Variants in IQCJ observed in about 807,000 individuals in gnomAD.
The protein encoded by IQCJ is IQ domain-containing protein J.
Under a neutral mutation model 11.0 loss-of-function variants are expected in IQCJ, and 9 were observed. That is an observed-to-expected ratio of 0.82 (90% CI 0.49 to 1.43). IQCJ has a LOEUF of 1.43. Ranked by LOEUF, IQCJ falls within the 40% of genes most tolerant of loss-of-function variation. IQCJ has a pLI of 0.00. For missense variants in IQCJ, 146 were observed against 133.2 expected (o/e 1.10, Z -0.47); for synonymous variants, 55 against 51.3 (o/e 1.07, Z -0.31).
rs73874802 is a variant in IQCJ, at chr3:159,103,239, T to C, written c.9+33798T>C. 8.3e-3 allele frequency among the ~76,000 whole-genome samples: 1,270 copies of C among 152,378 alleles called. 18 individuals carry two copies. Among genetic ancestry groups the C allele is most frequent in the African/African-American group, 0.029 (1,215 of 41,588 alleles). On this transcript the variant is annotated intron_variant, in intron 1 of 3. Coordinates refer to ENST00000397832, the MANE Select transcript of IQCJ (RefSeq NM_001042706.3). ...TAAATGTCCTCTCAGTTGTAAAACG[T>C]ATACACAATATTTGTATATTTGCAG...
chr3:159,112,057 C>T (rs868783240), intron 1 of IQCJ, among the ~76,000 whole-genome samples: 7 of 152,090 alleles, frequency 4.6e-5, no homozygotes, highest in South Asian at 2.1e-4. Context: ...AAAGTTTGTC[C>T]GTGACCAAAT....
At chr3:159,158,334 A>C (rs1217632297) in intron 1 of IQCJ, among the ~76,000 whole-genome samples, 1 of 152,206 alleles carries the variant, frequency 6.6e-6, no homozygotes, top group Non-Finnish European at 1.5e-5. Flanking sequence ...TAGGAGGCAG[A>C]ACAATACGTC....
intron 1 of IQCJ, among the ~76,000 whole-genome samples, chr3:159,103,568 G>T (rs920254609): frequency 6.6e-6 from 1 of 152,176 alleles, no homozygotes; most frequent in Non-Finnish European, 1.5e-5. Flanking sequence ...CCAAACTAAA[G>T]CTCACCATTT....
intron 1 of IQCJ, among the ~76,000 whole-genome samples, chr3:159,105,810 A>G (rs1386844317): frequency 6.6e-6 from 1 of 152,174 alleles, no homozygotes; most frequent in African/African-American, 2.4e-5. Context: ...ACAGATAGAT[A>G]GATACATCAC....
chr3:159,221,031 C>A (rs1473012569), intron 1 of IQCJ, among the ~76,000 whole-genome samples: 4 of 152,098 alleles, frequency 2.6e-5, no homozygotes, highest in African/African-American at 4.8e-5. Context: ...AGGTTGACAG[C>A]ATTTGAAAAA....
chr3:159,086,348 T>C (rs1427053134), intron 1 of IQCJ, among the ~76,000 whole-genome samples: 1 of 152,116 alleles, frequency 6.6e-6, no homozygotes, highest in Non-Finnish European at 1.5e-5. Context: ...AGTCAGGTAG[T>C]GTGATGCCTC....
chr3:159,111,946 G>A (rs1427456838), intron 1 of IQCJ, among the ~76,000 whole-genome samples: 10 of 151,986 alleles, frequency 6.6e-5, no homozygotes, highest in Admixed American at 6.6e-4. Context: ...ATTGTGTCTT[G>A]GGTTTTTTTT....
At chr3:159,184,663 G>A (rs981183564) in intron 1 of IQCJ, among the ~76,000 whole-genome samples, 1 of 152,132 alleles carries the variant, frequency 6.6e-6, no homozygotes, top group Non-Finnish European at 1.5e-5. Context: ...GTCTACTTCT[G>A]TTACATTCCA....
chr3:159,169,986 G>C (rs1211096745), intron 1 of IQCJ, among the ~76,000 whole-genome samples: 3 of 152,120 alleles, frequency 2.0e-5, no homozygotes, highest in African/African-American at 7.2e-5. Context: ...CTGACCTTTT[G>C]TATGTACTCT....
At chr3:159,084,159 T>C (rs1272435558) in intron 1 of IQCJ, among the ~76,000 whole-genome samples, 3 of 151,960 alleles carry the variant, frequency 2.0e-5, no homozygotes, top group Admixed American at 6.6e-5. Context: ...ATGTCATCAT[T>C]GGGGGAAACT....
At chr3:159,109,535 A>AAAAAAAC (rs1433035694) in intron 1 of IQCJ, among the ~76,000 whole-genome samples, 1 of 151,190 alleles carries the variant, frequency 6.6e-6, no homozygotes, top group Non-Finnish European at 1.5e-5. Flanking sequence ...ACTAAAAAAA[A>AAAAAAAC]AAAAAAAAAA....
intron 1 of IQCJ, among the ~76,000 whole-genome samples, chr3:159,109,665 G>A (rs1718500783): frequency 6.6e-6 from 1 of 151,994 alleles, no homozygotes; most frequent in Non-Finnish European, 1.5e-5. Context: ...GTGGGTGTGT[G>A]GGTGTGTGTG....
intron 1 of IQCJ, among the ~76,000 whole-genome samples, chr3:159,148,997 G>A (rs1302442396): frequency 6.6e-6 from 1 of 152,108 alleles, no homozygotes; most frequent in African/African-American, 2.4e-5. Context: ...TTTTAATTGT[G>A]TCAGATCTGT....
intron 1 of IQCJ, among the ~76,000 whole-genome samples, chr3:159,111,762 A>G (rs1232478477): frequency 6.6e-6 from 1 of 152,174 alleles, no homozygotes; most frequent in Non-Finnish European, 1.5e-5. Context: ...GAGCACATAA[A>G]TTGGTCACAT....
chr3:159,138,150 G>A (rs1002747322), intron 1 of IQCJ, among the ~76,000 whole-genome samples: 24 of 152,284 alleles, frequency 1.6e-4, no homozygotes, highest in African/African-American at 4.6e-4. Flanking sequence ...CAGCTCAGAC[G>A]GGACAGTTGG....
At chr3:159,201,730 G>A (rs1724359574) in intron 1 of IQCJ, among the ~76,000 whole-genome samples, 2 of 144,250 alleles carry the variant, frequency 1.4e-5, no homozygotes, top group East Asian at 2.2e-4. Flanking sequence ...CGCCTCCCGG[G>A]TTCACGCCAT....
chr3:159,074,486 G>T (rs1176816339), intron 1 of IQCJ, among the ~76,000 whole-genome samples: 1 of 151,866 alleles, frequency 6.6e-6, no homozygotes. Flanking sequence ...AGATGACAAG[G>T]GTCTAACAGG....
intron 1 of IQCJ, among the ~76,000 whole-genome samples, chr3:159,193,720 T>C (rs13082426): frequency 0.14 from 20,976 of 152,100 alleles, 1,626 homozygotes; most frequent in Middle Eastern, 0.2. Context: ...GTAATCAACT[T>C]GCCACCAGTT....
intron 2 of IQCJ, among the ~76,000 whole-genome samples, chr3:159,252,504 T>C (rs1308069600): frequency 6.6e-6 from 1 of 152,226 alleles, no homozygotes; most frequent in African/African-American, 2.4e-5. Context: ...TGAATGTTAG[T>C]TGAGAACAGC....
Sources: allele counts gnomAD v4.1 joint callset (sites outside exome capture counted in the v4.1 genomes callset), GRCh38; gene constraint gnomAD v4.1.1; transcripts MANE v1.5; gene names NCBI Gene and HGNC (gene_info 2026-07-23, HGNC 2026-07-21).